Variants in NID1 observed in about 807,000 individuals in gnomAD.
NID1 encodes the protein nidogen-1.
In NID1, 76 loss-of-function variants were observed where a neutral mutation model predicts 130.6. The ratio of observed to expected loss-of-function variants is 0.58; its 90% CI spans 0.48 to 0.70. The LOEUF (loss-of-function observed/expected upper bound fraction) is 0.70, where lower values mean the gene tolerates loss of function less well. Among genes scored for constraint, NID1 ranks in the 30% least tolerant of loss-of-function variants. NID1 has a pLI of 0.00. For synonymous variants in NID1, 665 were observed against 675.1 expected, an observed-to-expected ratio of 0.98 and a Z score of 0.23; for missense variants, 1,517 against 1,664.8, an observed-to-expected ratio of 0.91 and a Z score of 1.54.
In NID1 at chr1:235,977,874, T is replaced by A. The variant is rs3213190; in HGVS notation, c.3737A>T (p.Gln1246Leu). 6.2e-7 allele frequency: 1 copy of A among 1,613,834 alleles called. No individual in the cohort carries two copies. The highest frequency in any genetic ancestry group is 8.5e-7 in the Non-Finnish European group (1 of 1,179,908). Residue 1246 changes from glutamine to leucine, a missense_variant, in exon 20 of 20, where the codon CAG (glutamine) becomes CTG (leucine). This residue lies in a region of NID1 where 181 missense variants were observed against 211.3 expected (regional missense o/e 0.86). Transcript: ENST00000264187. Reference protein sequence around the residue: ...DNTLGVDCIEQK With the variant: ...DNTLGVDCIELK ...AATAAGGCACTCTTGTCTTCATTTC[T>A]GTTCGATACAGTCAACTCCCAAGGT...
Position 235,981,608 on chromosome 1 carries a change from T to C in NID1, c.3227+3A>G. The C allele has an allele frequency of 6.2e-7, 1 of 1,609,836 alleles. No homozygotes were observed. The highest frequency in any genetic ancestry group is 8.5e-7 in the Non-Finnish European group (1 of 1,178,170). The stretch of plus-strand genomic sequence containing the variant: ...ATGCACACACATATTTACACAAAGA[T>C]ACCCTCTCACGGAATCCGTTACAAT... On this transcript the variant is annotated splice_donor_region_variant and intron_variant, in intron 16 of 19. Transcript: ENST00000264187.
At chr1:236,048,356 A>C (rs1659670925) in intron 2 of NID1, among the ~76,000 whole-genome samples, 1 of 151,972 alleles carries the variant, frequency 6.6e-6, no homozygotes, top group African/African-American at 2.4e-5. Context: ...AAAATAAATA[A>C]ATAAATAAAT....
intron 4 of NID1, among the ~76,000 whole-genome samples, chr1:236,039,679 T>A (rs1659390591): frequency 6.6e-6 from 1 of 152,160 alleles, no homozygotes; most frequent in South Asian, 2.1e-4. Flanking sequence ...AAGATAATGA[T>A]CCCATTCATA....
chr1:236,042,169 C>T lies in NID1; in HGVS notation c.876G>A (p.Glu292=), dbSNP rs1348466007. 1 of 1,614,096 alleles carries T rather than the reference C, an allele frequency of 6.2e-7. No homozygotes were observed. The highest frequency in any genetic ancestry group is 2.2e-5 in the East Asian group (1 of 44,888). The change falls in exon 4 of 20, where the codon GAG becomes GAA. Residue 292 remains glutamate, a synonymous_variant. Transcript: ENST00000264187. ...TGGTCGCCAGGTCATAATCTTCATC[C>T]TCATCATCATACTCTGCCCCATCTT... ...GTEDGAEYDD[E]DEDYDLATTR...
At chr1:236,020,045 AAAAAAAAAAAAAAC>A (rs1658713120) in intron 9 of NID1, among the ~76,000 whole-genome samples, 2 of 135,588 alleles carry the variant, frequency 1.5e-5, no homozygotes, top group Admixed American at 1.7e-4. Context: ...TTAAAAAAAA[AAAAAAAAAAAAAAC>A]AAAAACAAAC....
intron 9 of NID1, among the ~76,000 whole-genome samples, chr1:236,018,621 G>A (rs1345648086): frequency 2.0e-5 from 3 of 152,154 alleles, no homozygotes; most frequent in Non-Finnish European, 4.4e-5. Flanking sequence ...TCCTTCCCAC[G>A]TCAACCTCAT....
rs190077413 is a variant in NID1, at chr1:235,978,093, T to C, written c.3623-105A>G. The C allele has an allele frequency of 7.6e-4, 1,055 of 1,385,330 alleles. 11 individuals carry two copies. The Admixed American group carries it at 0.021, about 28-fold the overall frequency. 85.8% of individuals were successfully genotyped at this position (1,385,330 alleles called of 1,614,324 possible). ...GTGTGTGATCCCCCTTTTAGTTTCC[T>C]TGAAGCCATGCTAGGAAGGCTTCAG... On this transcript the variant is annotated intron_variant, in intron 19 of 19. Coordinates refer to ENST00000264187, the MANE Select transcript of NID1 (RefSeq NM_002508.3).
chr1:236,059,158 G>C (rs1050522580), intron 1 of NID1, among the ~76,000 whole-genome samples: 1 of 152,192 alleles, frequency 6.6e-6, no homozygotes, highest in African/African-American at 2.4e-5. Context: ...ATTTGCTGGA[G>C]TCCGTAACCC....
chr1:236,001,482 C>A (rs1407276729), intron 12 of NID1, among the ~76,000 whole-genome samples: 1 of 152,122 alleles, frequency 6.6e-6, no homozygotes, highest in African/African-American at 2.4e-5. Context: ...AGCAAGACTG[C>A]CAAATTTCCA....
In NID1 at chr1:235,976,729, T is replaced by C. The variant is rs1348686536; in HGVS notation, c.*1138A>G. ...TTAGATCATTGAGCAATAAAGGATA[T>C]GAACCATTAGTATAAATATTCAATT... On this transcript the variant is annotated 3_prime_UTR_variant, in exon 20 of 20. Transcript: ENST00000264187. The C allele has an allele frequency of 1.3e-5, 2 of 152,228 alleles. No homozygotes were observed. The highest frequency in any genetic ancestry group is 2.9e-5 in the Non-Finnish European group (2 of 68,044). 9.4% of individuals were successfully genotyped at this position (152,228 alleles called of 1,614,324 possible). A position where few individuals can be genotyped will look rare whatever the true frequency, so the allele number is the denominator to read the frequency against.
intron 1 of NID1, 179 bp downstream of exon 1, chr1:236,064,676 C>A (rs376007489): frequency 4.6e-6 from 3 of 646,824 alleles, no homozygotes; most frequent in African/African-American, 1.9e-5. Context: ...TAGCAGGGAC[C>A]GGGTCGGGAA....
At chr1:236,063,551 G>T (rs1330211900) in intron 1 of NID1, among the ~76,000 whole-genome samples, 2 of 151,972 alleles carry the variant, frequency 1.3e-5, no homozygotes, top group African/African-American at 4.8e-5. Flanking sequence ...TAAGATGTGT[G>T]TTTTTTTAAT....
At chr1:235,980,475 C>T (rs577243219) in intron 17 of NID1, 21 bp downstream of exon 17, 13 of 1,613,416 alleles carry the variant, frequency 8.1e-6, no homozygotes, top group South Asian at 3.3e-5. Flanking sequence ...CCGCCCTGGA[C>T]AGTGTCCAGC....
chr1:236,012,578 A>AAG (rs552710886), intron 11 of NID1, among the ~76,000 whole-genome samples: 127 of 99,552 alleles, frequency 1.3e-3, no homozygotes, highest in South Asian at 5.5e-3. Flanking sequence ...AAAAAAAAAA[A>AAG]AAAGAAAGAA....
intron 12 of NID1, among the ~76,000 whole-genome samples, chr1:235,995,737 G>A (rs1657901125): frequency 6.6e-6 from 1 of 152,232 alleles, no homozygotes; most frequent in African/African-American, 2.4e-5. Flanking sequence ...CCCCAGGGCT[G>A]AGTCCAATCC....
chr1:236,030,728 A>C (rs1041717224), intron 6 of NID1, among the ~76,000 whole-genome samples: 8 of 152,232 alleles, frequency 5.3e-5, no homozygotes, highest in Admixed American at 2.6e-4. Flanking sequence ...TTTATAGTTA[A>C]ACAAGTCCCA....
chr1:236,049,422 G>T (rs1015225512), intron 1 of NID1, among the ~76,000 whole-genome samples: 1 of 152,132 alleles, frequency 6.6e-6, no homozygotes, highest in African/African-American at 2.4e-5. Context: ...CAAAGCTGCA[G>T]TGAGCCATGA....
At chr1:236,027,508 C>T (rs986157706) in intron 7 of NID1, among the ~76,000 whole-genome samples, 1 of 152,148 alleles carries the variant, frequency 6.6e-6, no homozygotes, top group Non-Finnish European at 1.5e-5. Context: ...TTGCTTCAAC[C>T]TTTCCGAACA....
At chr1:236,037,984 C>T (rs1489115692) in intron 5 of NID1, 120 bp downstream of exon 5, 1 of 1,178,348 alleles carries the variant, frequency 8.5e-7, no homozygotes, top group African/African-American at 1.6e-5. Context: ...GTATGGCTGC[C>T]ATAAGAAAAA....
Sources: gnomAD v4.1 joint callset for allele counts (sites outside exome capture counted in the v4.1 genomes callset) on GRCh38, gnomAD v4.1.1 for gene constraint, gnomAD v4.1.1 regional missense constraint, MANE v1.5 for transcripts, NCBI Gene and HGNC (gene_info 2026-07-23, HGNC 2026-07-21) for gene names.